ZMYND8: variants seen among roughly 807,000 people sequenced by gnomAD.
ZMYND8 encodes zinc finger MYND-type containing 8.
A neutral mutation model predicts 140.8 loss-of-function variants in ZMYND8; 37 were observed. That is an observed-to-expected ratio of 0.26 (90% confidence interval 0.20 to 0.35). The LOEUF is 0.35. Ranked by LOEUF, ZMYND8 falls within the 10% of genes least tolerant of loss-of-function variation. The probability of loss-of-function intolerance (pLI) is 1.00; values close to 1 mark genes in which losing one functional copy is unlikely to be tolerated. For synonymous variants in ZMYND8, 592 were observed against 597.1 expected, an observed-to-expected ratio of 0.99 and a Z score of 0.12; for missense variants, 1,068 against 1,570.0, an observed-to-expected ratio of 0.68 and a Z score of 5.40.
chr20:47,354,778 G>A (rs1426835748), intron 1 of ZMYND8: 2 of 152,156 alleles, frequency 1.3e-5, no homozygotes, highest in Non-Finnish European at 1.5e-5. Context: ...AACTTCTAGG[G>A]AAATTCTGAA....
At chr20:47,300,106 C>A (rs774908134) in intron 3 of ZMYND8, among the ~76,000 whole-genome samples, 6 of 152,118 alleles carry the variant, frequency 3.9e-5, no homozygotes, top group Non-Finnish European at 8.8e-5. Flanking sequence ...ATTATGGAAT[C>A]CAGCAAAGCC....
At chr20:47,336,209 C>CTTAA (rs1189400494) in intron 2 of ZMYND8, among the ~76,000 whole-genome samples, 1 of 152,136 alleles carries the variant, frequency 6.6e-6, no homozygotes, top group Non-Finnish European at 1.5e-5. Context: ...GGATCCTGTG[C>CTTAA]TAATTAAGGT....
chr20:47,210,925 G>T (rs369176541), intron 22 of ZMYND8, 28 bp from the exon 23 acceptor site: 1 of 1,606,198 alleles, frequency 6.2e-7, no homozygotes. Flanking sequence ...TGTGTTTAGC[G>T]TGCCTGCCCA....
At chr20:47,349,897 T>C (rs1202403288) in intron 1 of ZMYND8, 4 of 1,535,468 alleles carry the variant, frequency 2.6e-6, no homozygotes, top group East Asian at 2.4e-5. Context: ...CATTCAAAGG[T>C]GTATTGATCA....
intron 19 of ZMYND8, among the ~76,000 whole-genome samples, chr20:47,223,460 G>A (rs1018394126): frequency 9.9e-5 from 15 of 151,992 alleles, no homozygotes; most frequent in Non-Finnish European, 1.5e-4. Context: ...AGCCGAGATC[G>A]TGTCACTGCA....
At chr20:47,282,737 C>CA (rs1255119643) in intron 9 of ZMYND8, among the ~76,000 whole-genome samples, 2 of 137,250 alleles carry the variant, frequency 1.5e-5, no homozygotes, top group East Asian at 2.2e-4. Context: ...AAAAAAAAAA[C>CA]AAAAAAAAGA....
At chr20:47,289,529 C>T (rs891628432) in intron 7 of ZMYND8, among the ~76,000 whole-genome samples, 3 of 151,934 alleles carry the variant, frequency 2.0e-5, no homozygotes, top group African/African-American at 7.3e-5. Flanking sequence ...CAGCTTATTC[C>T]TAACAGCCCA....
intron 2 of ZMYND8, 87 bp from the exon 3 acceptor site, chr20:47,310,291 G>C: frequency 1.4e-6 from 2 of 1,481,344 alleles, no homozygotes; most frequent in Admixed American, 2.3e-5. Context: ...CCAAGTGTGG[G>C]AACAGAGTGC....
intron 15 of ZMYND8, 72 bp downstream of exon 15, chr20:47,238,686 C>T (rs2039562327): frequency 6.5e-7 from 1 of 1,544,182 alleles, no homozygotes; most frequent in Non-Finnish European, 8.7e-7. Context: ...AATAAAAGAG[C>T]AATGACTTTC....
intron 12 of ZMYND8, among the ~76,000 whole-genome samples, chr20:47,257,077 T>C (rs550889197): frequency 3.3e-5 from 5 of 152,290 alleles, no homozygotes; most frequent in African/African-American, 1.2e-4. Context: ...ATTTATGACT[T>C]ATTTATAATC....
chr20:47,284,129 G>A (rs2076778795), intron 8 of ZMYND8, among the ~76,000 whole-genome samples: 1 of 152,082 alleles, frequency 6.6e-6, no homozygotes, highest in Admixed American at 6.6e-5. Context: ...TGCCATGTTA[G>A]CCAGGCTGGT....
At chr20:47,317,899 TAA>T (rs962457353) in intron 2 of ZMYND8, among the ~76,000 whole-genome samples, 4 of 152,216 alleles carry the variant, frequency 2.6e-5, no homozygotes, top group African/African-American at 9.7e-5. Context: ...TGGTACCTTG[TAA>T]AGTTATCGAA....
chr20:47,234,590 C>G (rs944537141), intron 16 of ZMYND8, among the ~76,000 whole-genome samples: 4 of 152,196 alleles, frequency 2.6e-5, no homozygotes, highest in Admixed American at 6.5e-5. Flanking sequence ...TGCCCAGATT[C>G]CTGACCCACA....
chr20:47,229,868 A>G, intron 16 of ZMYND8, 62 bp from the exon 17 acceptor site: 8 of 1,426,052 alleles, frequency 5.6e-6, no homozygotes, highest in Non-Finnish European at 7.8e-6. Context: ...CCTGGTGACA[A>G]ATACTTAAAA....
intron 2 of ZMYND8, among the ~76,000 whole-genome samples, chr20:47,326,847 C>T (rs999462469): frequency 2.0e-5 from 3 of 152,172 alleles, no homozygotes; most frequent in African/African-American, 7.2e-5. Flanking sequence ...CAGCATCACA[C>T]CAGGCATAAG....
At chr20:47,353,291 G>A (rs1196864462) in intron 1 of ZMYND8, 1 of 152,110 alleles carries the variant, frequency 6.6e-6, no homozygotes, top group Non-Finnish European at 1.5e-5. Context: ...AAATAAAAGG[G>A]ATGACAAGAA....
intron 11 of ZMYND8, among the ~76,000 whole-genome samples, chr20:47,270,732 A>G (rs942651276): frequency 6.6e-6 from 1 of 151,336 alleles, no homozygotes; most frequent in African/African-American, 2.4e-5. Flanking sequence ...AAGAAAGAAA[A>G]AGAAAAAGCT....
At chr20:47,331,652 A>G (rs2080954296) in intron 2 of ZMYND8, among the ~76,000 whole-genome samples, 1 of 142,008 alleles carries the variant, frequency 7.0e-6, no homozygotes, top group Non-Finnish European at 1.6e-5. Context: ...GGCCAGAGAG[A>G]GGAGGAGAAG....
intron 4 of ZMYND8, among the ~76,000 whole-genome samples, chr20:47,297,510 C>T (rs188351535): frequency 4.1e-4 from 62 of 152,174 alleles, no homozygotes; most frequent in Non-Finnish European, 8.2e-4. Context: ...CAGCCTCAAC[C>T]ATCTCGGCTC....
Sources: allele counts gnomAD v4.1 joint callset (sites outside exome capture counted in the v4.1 genomes callset), GRCh38; gene constraint gnomAD v4.1.1; transcripts MANE v1.5; gene names NCBI Gene and HGNC (gene_info 2026-07-23, HGNC 2026-07-21).